TRIP11: variants seen among roughly 807,000 people sequenced by gnomAD.
TRIP11 encodes the protein thyroid hormone receptor interactor 11.
Under a neutral mutation model 223.1 loss-of-function variants are expected in TRIP11, and 148 were observed. That is an observed-to-expected ratio of 0.66 (90% CI 0.58 to 0.76). The LOEUF (loss-of-function observed/expected upper bound fraction) is 0.76. Among genes scored for constraint, TRIP11 ranks in the 30% least tolerant of loss-of-function variants. The pLI is 0.00. For synonymous variants in TRIP11, 762 were observed against 772.6 expected (o/e 0.99, Z 0.23); for missense variants, 2,043 against 2,222.0 (o/e 0.92, Z 1.62).
chr14:91,975,323 C>T, intron 17 of TRIP11, 37 bp from the exon 18 acceptor site: 5 of 1,367,060 alleles, frequency 3.7e-6, no homozygotes, highest in Middle Eastern at 1.8e-4. Flanking sequence ...CAAGTGAACT[C>T]AACATTAAGT....
At chr14:92,011,633 A>G (rs2056974873) in intron 8 of TRIP11, 122 bp downstream of exon 8, 1 of 778,410 alleles carries the variant, frequency 1.3e-6, no homozygotes, top group Non-Finnish European at 2.1e-6. Flanking sequence ...AATAACTTCT[A>G]ATTATTAGAA....
rs1186513556 is a variant in TRIP11 at position 91,995,473 on chromosome 14, C to T, written c.4935G>A (p.Leu1645=). ...SVQVESLQEQ[L]NVVSKQRDET... The stretch of plus-strand genomic sequence containing the variant: ...CATCCCTTTGCTTGGAAACTACATT[C>T]AACTGTTCTTGCAATGACTCTACCT... The change falls in exon 14 of 21, where the codon TTG becomes TTA. Residue 1645 remains leucine, a synonymous_variant. Transcript: ENST00000267622. 1 of 1,613,972 alleles carries T rather than the reference C, an allele frequency of 6.2e-7. No individual in the cohort carries two copies. Among genetic ancestry groups the T allele is most frequent in the African/African-American group, 1.3e-5 (1 of 74,906 alleles).
At chr14:92,024,098 A>G (rs1313042797) in intron 3 of TRIP11, among the ~76,000 whole-genome samples, 1 of 152,064 alleles carries the variant, frequency 6.6e-6, no homozygotes, top group African/African-American at 2.4e-5. Flanking sequence ...GAACTTGAGG[A>G]CAGGCACGGT....
At chr14:91,977,572 T>A (rs933151774) in intron 16 of TRIP11, among the ~76,000 whole-genome samples, 1 of 152,064 alleles carries the variant, frequency 6.6e-6, no homozygotes, top group Non-Finnish European at 1.5e-5. Context: ...GACTCTAAAT[T>A]CCCACTGTAA....
At chr14:92,000,548 A>C (rs913679704) in intron 11 of TRIP11, among the ~76,000 whole-genome samples, 1 of 152,226 alleles carries the variant, frequency 6.6e-6, no homozygotes, top group East Asian at 1.9e-4. Flanking sequence ...TATGAGACCT[A>C]TCTTTGCAAA....
Position 91,978,161 on chromosome 14 carries a change from T to C in TRIP11, c.5261-1972A>G, listed in dbSNP as rs776040066. 1.1e-4 allele frequency among the ~76,000 whole-genome samples: 17 copies of C among 152,194 alleles called. No homozygotes were observed. Among genetic ancestry groups the C allele is most frequent in the Non-Finnish European group, 2.2e-4 (15 of 68,032 alleles). ...CATGTATACTACTAGCACATGGTGT[T>C]ATCTGGGCCTTTTCTAGCACTATAT... On this transcript the variant is annotated intron_variant, in intron 16 of 20. Coordinates refer to ENST00000267622, the MANE Select transcript of TRIP11 (RefSeq NM_004239.4). The surrounding 1 kb of genome is among the most constrained non-coding windows in gnomAD (Gnocchi z 4.4).
Position 92,006,118 on chromosome 14 carries a change from GCTC to G in TRIP11, c.1855_1857del (p.Glu619del), listed in dbSNP as rs540412862. ...ATTAACTCATTCCTTATTCTAGAAA[GCTC>G]CTCCTCATTTTGTCTAATATGCTCC... is the stretch of plus-strand genomic sequence containing the variant. On this transcript the variant is annotated inframe_deletion, in exon 11 of 21. Transcript: ENST00000267622. The G allele has an allele frequency of 1.3e-4, 211 of 1,608,534 alleles. 3 individuals carry two copies. In the South Asian group the frequency reaches 1.9e-3, roughly 15 times the overall value.
chr14:92,025,640 T>C (rs752713754), intron 2 of TRIP11, among the ~76,000 whole-genome samples: 4 of 152,060 alleles, frequency 2.6e-5, no homozygotes, highest in Non-Finnish European at 4.4e-5. Flanking sequence ...CCCAGCACTT[T>C]GGGAGGCCAA....
intron 9 of TRIP11, among the ~76,000 whole-genome samples, chr14:92,010,257 G>A (rs1407490218): frequency 3.3e-5 from 5 of 152,094 alleles, no homozygotes; most frequent in East Asian, 1.9e-4. Flanking sequence ...TTCACCAGGC[G>A]TGGTGGCTCA....
At chr14:91,985,489 T>C (rs1372950755) in intron 16 of TRIP11, among the ~76,000 whole-genome samples, 2 of 152,234 alleles carry the variant, frequency 1.3e-5, no homozygotes, top group Non-Finnish European at 2.9e-5. Flanking sequence ...GCTCTCTTTT[T>C]CATATGTTTG....
intron 14 of TRIP11, 139 bp from the exon 15 acceptor site, chr14:91,994,051 T>A (rs1239234797): frequency 1.5e-6 from 1 of 678,458 alleles, no homozygotes; most frequent in African/African-American, 1.8e-5. Flanking sequence ...TTAGTGATAA[T>A]GTTAAGCGGT....
At chr14:91,997,741 A>C (rs2056769119) in intron 13 of TRIP11, among the ~76,000 whole-genome samples, 1 of 152,160 alleles carries the variant, frequency 6.6e-6, no homozygotes, top group African/African-American at 2.4e-5. Context: ...AACATGAAAT[A>C]AGGCTAAGGT....
chr14:92,024,689 C>T (rs1400579905), intron 3 of TRIP11, among the ~76,000 whole-genome samples: 1 of 152,022 alleles, frequency 6.6e-6, no homozygotes, highest in African/African-American at 2.4e-5. Context: ...ATGATCTGGA[C>T]AATATAACAG....
intron 1 of TRIP11, among the ~76,000 whole-genome samples, chr14:92,035,150 C>CA (rs372782885): frequency 0.35 from 46,606 of 134,046 alleles, 7,513 homozygotes; most frequent in Non-Finnish European, 0.38. Context: ...ACTAAAAATA[C>CA]AAAAAAAAAA....
At chr14:91,987,350 G>A (rs2056615888) in intron 16 of TRIP11, among the ~76,000 whole-genome samples, 2 of 152,040 alleles carry the variant, frequency 1.3e-5, no homozygotes, top group Non-Finnish European at 2.9e-5. Context: ...GCTGGATTTA[G>A]GCCAGCTTAC....
rs2235977 is a variant in TRIP11, at chr14:92,037,867, T to G, written c.139+1680A>C. On this transcript the variant is annotated intron_variant, in intron 1 of 20. Transcript: ENST00000267622. The surrounding 1 kb of genome is among the most constrained non-coding windows in gnomAD (Gnocchi z 4.2). ...TCCAGCCTACGCAACAGAGTGAGAC[T>G]CAGTCCAAAACTAAGAGGTTTGGAT... Among the ~76,000 whole-genome samples, 2,817 of 152,274 alleles carry G rather than the reference T, an allele frequency of 0.018. 51 individuals carry two copies. Among genetic ancestry groups the G allele is most frequent in the South Asian group, 0.08 (384 of 4,820 alleles).
intron 13 of TRIP11, among the ~76,000 whole-genome samples, chr14:91,997,358 T>G (rs541367482): frequency 2.6e-5 from 4 of 152,182 alleles, no homozygotes. Flanking sequence ...AGCCCATTCC[T>G]ACCTCCCAGT....
chr14:91,972,004 GA>G (rs1306095931), intron 20 of TRIP11, among the ~76,000 whole-genome samples: 5 of 152,056 alleles, frequency 3.3e-5, no homozygotes, highest in African/African-American at 1.2e-4. Context: ...GATTTCAGAA[GA>G]GCTCTTCCAA....
Position 91,969,665 on chromosome 14 carries a change from A to T in TRIP11, c.*8T>A. 9.3e-6 allele frequency: 15 copies of T among 1,611,712 alleles called. No individual in the cohort carries two copies. The highest frequency in any genetic ancestry group is 1.3e-5 in the Non-Finnish European group (15 of 1,179,484). On this transcript the variant is annotated 3_prime_UTR_variant, in exon 21 of 21. Transcript: ENST00000267622. ...AAAGTGCTAGATTGTCTCTGGCTTG[A>T]GAATCATCTATTGCTTTAAAAGGTC...
Sources: gnomAD v4.1 joint callset for allele counts (sites outside exome capture counted in the v4.1 genomes callset) on GRCh38, gnomAD v4.1.1 for gene constraint, Gnocchi (gnomAD v3.1) non-coding constraint, MANE v1.5 for transcripts, NCBI Gene and HGNC (gene_info 2026-07-23, HGNC 2026-07-21) for gene names.